Variants in PLAGL1 observed in about 807,000 individuals in gnomAD.
The protein encoded by PLAGL1 is zinc finger protein PLAGL1.
In PLAGL1, 1 loss-of-function variant was observed where a neutral mutation model predicts 4.6. The observed-to-expected ratio is 0.22, with a 90% confidence interval of 0.08 to 1.03. The LOEUF is 1.03. PLAGL1 is among the 50% of genes least tolerant of loss of function. The probability of loss-of-function intolerance (pLI) is 0.58; values close to 1 mark genes in which losing one functional copy is unlikely to be tolerated. For synonymous variants in PLAGL1, 240 were observed against 237.8 expected (o/e 1.01, Z -0.08); for missense variants, 464 against 570.4 (o/e 0.81, Z 1.90).
rs372288073 is a variant in PLAGL1, at chr6:144,018,341, T to G, written c.-151+46127A>C. On this transcript the variant is annotated intron_variant, in intron 1 of 3. Coordinates refer to the PLAGL1 transcript ENST00000437412. ...TATAAAAAAGTGAAACTCATAGAAGTAGACAGAGAGTAGAATGCTGGTTAC... is the reference window on the plus strand; with the variant it reads ...TATAAAAAAGTGAAACTCATAGAAGGAGACAGAGAGTAGAATGCTGGTTAC... 9.2e-5 allele frequency among the ~76,000 whole-genome samples: 14 copies of G among 152,144 alleles called. No homozygotes were observed. The East Asian group carries it at 1.9e-3, about 21-fold the overall frequency.
chr6:143,980,388 G>GTTTTTTTTTTTTTTTTCTTT (rs1787668456), intron 2 of PLAGL1, among the ~76,000 whole-genome samples: 1 of 133,360 alleles, frequency 7.5e-6, no homozygotes, highest in African/African-American at 2.8e-5. Context: ...CTTTTTTCTA[G>GTTTTTTTTTTTTTTTTCTTT]TTTTTTTTTT....
At chr6:144,009,115 A>G (rs1299681493), upstream of PLAGL1, among the ~76,000 whole-genome samples, 1 of 152,240 alleles carries the variant, frequency 6.6e-6, no homozygotes, top group African/African-American at 2.4e-5. Flanking sequence ...AAAGTCTCAT[A>G]GCTCTGAAAG....
chr6:144,014,606 G>T (rs933996458), intron 1 of PLAGL1, among the ~76,000 whole-genome samples: 4 of 152,110 alleles, frequency 2.6e-5, no homozygotes, highest in African/African-American at 9.7e-5. Flanking sequence ...TGGAGACACA[G>T]TCTGGCTCTG....
At chr6:144,018,800 A>G (rs913597154) in intron 1 of PLAGL1, among the ~76,000 whole-genome samples, 2 of 152,238 alleles carry the variant, frequency 1.3e-5, no homozygotes, top group Admixed American at 6.5e-5. Flanking sequence ...GACACATCAC[A>G]TATGTAGTAT....
Position 143,948,394 on chromosome 6 carries a change from C to T in PLAGL1, c.-258G>A, listed in dbSNP as rs928182639. Reference sequence around the variant, plus strand: ...GGGGAGAAAGTCTGAGGCACAGGTGCGATTCAGGAGCAGAAAGGTAATCTG... The same window carrying T: ...GGGGAGAAAGTCTGAGGCACAGGTGTGATTCAGGAGCAGAAAGGTAATCTG... On this transcript the variant is annotated 5_prime_UTR_variant, in exon 7 of 8. Coordinates refer to ENST00000674357, the MANE Select transcript of PLAGL1 (RefSeq NM_001317162.2). This position sits in a 1 kb window ranked among gnomAD's most constrained non-coding sequence, Gnocchi z 6.0. 4.2e-5 allele frequency: 18 copies of T among 423,878 alleles called. No individual in the cohort carries two copies. Among genetic ancestry groups the T allele is most frequent in the Non-Finnish European group, 6.5e-5 (15 of 229,936 alleles). The allele number at this position is 423,878 out of a possible 1,614,324, so 26.3% of individuals were successfully genotyped here. A position where few individuals can be genotyped will look rare whatever the true frequency, so the allele number is the denominator to read the frequency against.
intron 1 of PLAGL1, among the ~76,000 whole-genome samples, chr6:144,047,382 A>G (rs1253341282): frequency 3.9e-5 from 6 of 152,100 alleles, no homozygotes; most frequent in Admixed American, 3.9e-4. Flanking sequence ...CATCCTCTCA[A>G]CATTATAAGG....
chr6:144,008,646 A>C (rs1013990945), upstream of PLAGL1: 1 of 152,392 alleles, frequency 6.6e-6, no homozygotes, highest in African/African-American at 2.4e-5. This position sits in a 1 kb window ranked among gnomAD's most constrained non-coding sequence, Gnocchi z 6.9. Context: ...TGCTAGCCGA[A>C]GTCTCCGCCA....
Position 143,950,427 on chromosome 6 carries a change from G to A in PLAGL1, c.-324-1967C>T, listed in dbSNP as rs369216630. Among the ~76,000 whole-genome samples the A allele has an allele frequency of 3.9e-5, 6 of 152,168 alleles. No individual in the cohort carries two copies. In the East Asian group the frequency reaches 5.8e-4, roughly 15 times the overall value. On this transcript the variant is annotated intron_variant, in intron 6 of 7. Coordinates refer to ENST00000674357, the MANE Select transcript of PLAGL1 (RefSeq NM_001317162.2). The surrounding 1 kb of genome is among the most constrained non-coding windows in gnomAD (Gnocchi z 6.3). ...TTCTAGGAATTCTATTCCGCCTGCCGAGTTTGCTCTGCTAGGTATCATGAT... is the reference window on the plus strand; with the variant it reads ...TTCTAGGAATTCTATTCCGCCTGCCAAGTTTGCTCTGCTAGGTATCATGAT...
intron 1 of PLAGL1, among the ~76,000 whole-genome samples, chr6:144,028,800 A>G (rs1158341660): frequency 6.6e-6 from 1 of 152,208 alleles, no homozygotes; most frequent in Non-Finnish European, 1.5e-5. Flanking sequence ...TGGGACTACA[A>G]TATCATCCAT....
In PLAGL1 at chr6:144,034,196, C is replaced by T. The variant is rs974464820; in HGVS notation, c.-151+30272G>A. Among the ~76,000 whole-genome samples, 3 of 152,146 alleles carry T rather than the reference C, an allele frequency of 2.0e-5. No homozygotes were observed. Among genetic ancestry groups the T allele is most frequent in the African/African-American group, 7.2e-5 (3 of 41,420 alleles). On this transcript the variant is annotated intron_variant, in intron 1 of 3. Transcript: ENST00000437412. The surrounding 1 kb of genome is among the most constrained non-coding windows in gnomAD (Gnocchi z 4.7). ...TGGAGGAGGGGGTGCCCCAGCTTAG[C>T]GAACCCCAGCCTCCCTCCTGGGGTG...
At position 143,963,103 on chromosome 6, in the gene PLAGL1, G is replaced by T. The variant is rs1168119349; in HGVS notation, c.-399+1684C>A. On this transcript the variant is annotated intron_variant, in intron 5 of 7. Transcript: ENST00000674357. This position sits in a 1 kb window ranked among gnomAD's most constrained non-coding sequence, Gnocchi z 6.1. ...TGATGTCATTTTAAAGGTGACACTG[G>T]GGGGCATGGTATGAAGGGGTTGCTG... 6.6e-6 allele frequency among the ~76,000 whole-genome samples: 1 copy of T among 152,120 alleles called. No homozygotes were observed. The highest frequency in any genetic ancestry group is 1.5e-5 in the Non-Finnish European group (1 of 68,020).
chr6:144,060,758 C>G (rs1250748947), intron 1 of PLAGL1, among the ~76,000 whole-genome samples: 1 of 152,200 alleles, frequency 6.6e-6, no homozygotes, highest in Non-Finnish European at 1.5e-5. Flanking sequence ...GACCCACATC[C>G]CTCATCTCCA....
chr6:143,948,102 G>A lies in PLAGL1; in HGVS notation c.35C>T (p.Thr12Met), dbSNP rs1008581224. Reference sequence around the variant, plus strand: ...CGTGAACTTCTCCAGGGTGAGGAACGTCTTGCCACATAACTGGCAGGGGAA... The same window carrying A: ...CGTGAACTTCTCCAGGGTGAGGAACATCTTGCCACATAACTGGCAGGGGAA... ...ATFPCQLCGKTFLTLEKFTIH... is the reference protein window; with the variant it reads ...ATFPCQLCGKMFLTLEKFTIH... The change falls in exon 7 of 8, where the codon ACG becomes ATG. Residue 12 changes from threonine to methionine, a missense_variant. By Grantham distance (81) the Thr-to-Met change is moderately conservative (BLOSUM62 -1). Coordinates refer to ENST00000674357, the MANE Select transcript of PLAGL1 (RefSeq NM_001317162.2). This position sits in a 1 kb window ranked among gnomAD's most constrained non-coding sequence, Gnocchi z 6.0. 1.2e-5 allele frequency: 19 copies of A among 1,613,736 alleles called. No individual in the cohort carries two copies. Among genetic ancestry groups the A allele is most frequent in the Non-Finnish European group, 1.4e-5 (16 of 1,179,846 alleles).
rs1045284163 is a variant in PLAGL1 at position 143,994,600 on chromosome 6, T to C, written c.-583-9426A>G. Among the ~76,000 whole-genome samples, 4 of 152,200 alleles carry C rather than the reference T, an allele frequency of 2.6e-5. No homozygotes were observed. Among genetic ancestry groups the C allele is most frequent in the Non-Finnish European group, 4.4e-5 (3 of 68,040 alleles). ...CTACTATTATTCGCAAAAAAATGTA[T>C]GGAAGATGATGAGAGACAGCAGTGT... On this transcript the variant is annotated intron_variant, in intron 1 of 7. Transcript: ENST00000674357. This position sits in a 1 kb window ranked among gnomAD's most constrained non-coding sequence, Gnocchi z 4.3.
rs6570595 is a variant in PLAGL1 at position 143,944,901 on chromosome 6, A to G, written c.153-2238T>C. Reference sequence around the variant, plus strand: ...ACTTTCATCTGATTTGATTTCATTTATCACCCATGGGTAGATCAATACCAG... The same window carrying G: ...ACTTTCATCTGATTTGATTTCATTTGTCACCCATGGGTAGATCAATACCAG... On this transcript the variant is annotated intron_variant, in intron 7 of 7. Coordinates refer to ENST00000674357, the MANE Select transcript of PLAGL1 (RefSeq NM_001317162.2). Among the ~76,000 whole-genome samples the G allele has an allele frequency of 2.8e-3, 416 of 149,748 alleles. 5 individuals are homozygous for G. The highest frequency in any genetic ancestry group is 9.7e-3 in the African/African-American group (393 of 40,488).
intron 1 of PLAGL1, among the ~76,000 whole-genome samples, chr6:144,017,659 T>C (rs1795656041): frequency 6.6e-6 from 1 of 152,210 alleles, no homozygotes; most frequent in Admixed American, 6.5e-5. Context: ...TGTGGGTGAT[T>C]TATTCAATAG....
In PLAGL1 at chr6:143,993,331, A is replaced by AACACACACACACAC. The variant is rs746624620; in HGVS notation, c.-583-8171_-583-8158dup. ...AACAAAAAAACAAAAAACAAAACAA[A>AACACACACACACAC]ACACACACACACACACACACACACA... On this transcript the variant is annotated intron_variant, in intron 1 of 7. Coordinates refer to ENST00000674357, the MANE Select transcript of PLAGL1 (RefSeq NM_001317162.2). Among the ~76,000 whole-genome samples the AACACACACACACAC allele has an allele frequency of 6.2e-3, 889 of 142,320 alleles. 8 individuals are homozygous for AACACACACACACAC. Among genetic ancestry groups the AACACACACACACAC allele is most frequent in the East Asian group, 0.016 (75 of 4,770 alleles). 93.4% of individuals were successfully genotyped at this position (142,320 alleles called of 152,430 possible). A position where few individuals can be genotyped will look rare whatever the true frequency, so the allele number is the denominator to read the frequency against.
intron 1 of PLAGL1, among the ~76,000 whole-genome samples, chr6:144,046,651 C>A (rs1051962168): frequency 1.3e-5 from 2 of 152,180 alleles, no homozygotes; most frequent in Non-Finnish European, 2.9e-5. Flanking sequence ...GGGTCAGGGA[C>A]CCACTTGAGG....
intron 1 of PLAGL1, among the ~76,000 whole-genome samples, chr6:144,058,745 G>A (rs144822537): frequency 2.0e-4 from 31 of 152,256 alleles, no homozygotes; most frequent in Non-Finnish European, 1.8e-4. Context: ...CTTAAAGCTC[G>A]GAAATTATCT....
Sources: allele counts gnomAD v4.1 joint callset (sites outside exome capture counted in the v4.1 genomes callset), GRCh38; gene constraint gnomAD v4.1.1; non-coding constraint Gnocchi (gnomAD v3.1); transcripts MANE v1.5; gene names NCBI Gene and HGNC (gene_info 2026-07-23, HGNC 2026-07-21).